Variants in APPL2 observed in about 807,000 individuals in gnomAD.
APPL2 encodes adaptor protein, phosphotyrosine interacting with PH domain and leucine zipper 2.
APPL2 carries 84 observed loss-of-function variants against 92.7 expected under a neutral mutation model. That is an observed-to-expected ratio of 0.91 (90% CI 0.76 to 1.09). APPL2 has a LOEUF of 1.09. Ranked by LOEUF, APPL2 falls within the 50% of genes least tolerant of loss-of-function variation. APPL2 has a pLI of 0.00. For missense variants in APPL2, 736 were observed against 824.5 expected (o/e 0.89, Z 1.31); for synonymous variants, 291 against 291.0 (o/e 1.00, Z 0.00).
At chr12:105,181,235 T>C (rs917795298) in intron 17 of APPL2, among the ~76,000 whole-genome samples, 2 of 152,252 alleles carry the variant, frequency 1.3e-5, no homozygotes, top group Admixed American at 6.5e-5. Context: ...TTTTTGTCAT[T>C]GGTTCTGTTT....
intron 2 of APPL2, among the ~76,000 whole-genome samples, chr12:105,220,350 A>G (rs1235459873): frequency 6.6e-6 from 1 of 152,228 alleles, no homozygotes; most frequent in African/African-American, 2.4e-5. Flanking sequence ...GAAGCCAGAA[A>G]TAACATATAA....
In APPL2 at chr12:105,233,356, G is replaced by A. The variant is rs150151502; in HGVS notation, c.54+2603C>T. ...CTAAAATGTTCAGCTTCCCACATATGAGAGGTAAGCAGAAATAACGCATGT... is the reference window on the plus strand; with the variant it reads ...CTAAAATGTTCAGCTTCCCACATATAAGAGGTAAGCAGAAATAACGCATGT... On this transcript the variant is annotated intron_variant, in intron 1 of 20. Coordinates refer to ENST00000258530, the MANE Select transcript of APPL2 (RefSeq NM_018171.5). 21 of 985,466 alleles carry A rather than the reference G, an allele frequency of 2.1e-5. No homozygotes were observed. In the African/African-American group the frequency reaches 3.7e-4, roughly 17 times the overall value. 61.0% of individuals were successfully genotyped at this position (985,466 alleles called of 1,614,324 possible). A position where few individuals can be genotyped will look rare whatever the true frequency, so the allele number is the denominator to read the frequency against.
chr12:105,230,381 GAT>G (rs1890835509), intron 1 of APPL2, among the ~76,000 whole-genome samples: 2 of 152,176 alleles, frequency 1.3e-5, no homozygotes, highest in African/African-American at 4.8e-5. Context: ...CACAGAGGCA[GAT>G]CTACTCAAGG....
chr12:105,177,310 A>T (rs375472756), intron 17 of APPL2, 48 bp from the exon 18 acceptor site: 2 of 1,563,128 alleles, frequency 1.3e-6, no homozygotes, highest in Non-Finnish European at 1.8e-6. Flanking sequence ...GATAAATTTA[A>T]TATTCCTAGA....
At chr12:105,209,264 T>C (rs1032680129) in intron 5 of APPL2, among the ~76,000 whole-genome samples, 3 of 152,314 alleles carry the variant, frequency 2.0e-5, no homozygotes, top group Admixed American at 1.3e-4. Context: ...GATTCTAATT[T>C]GGTCTGATGT....
chr12:105,189,763 G>T lies in APPL2; in HGVS notation c.1459+9C>A. 4 of 1,613,956 alleles carry T rather than the reference G, an allele frequency of 2.5e-6. No individual in the cohort carries two copies. The highest frequency in any genetic ancestry group is 3.4e-6 in the Non-Finnish European group (4 of 1,179,840). On this transcript the variant is annotated intron_variant, in intron 16 of 20. Transcript: ENST00000258530. ...AGGAAAGAATAAGGACACCAAACTA[G>T]TCACTTACCTTCTGCTTCTGGAAAT...
At chr12:105,218,201 T>C (rs1275801858) in intron 2 of APPL2, among the ~76,000 whole-genome samples, 2 of 152,184 alleles carry the variant, frequency 1.3e-5, no homozygotes, top group Non-Finnish European at 1.5e-5. Context: ...GCCTGTCAAA[T>C]AATAAAATGT....
chr12:105,235,910 C>T (rs1201681663), intron 1 of APPL2, 49 bp downstream of exon 1: 12 of 1,226,066 alleles, frequency 9.8e-6, no homozygotes, highest in Non-Finnish European at 1.1e-5. Flanking sequence ...GGAGGGGCCT[C>T]CTCGGCCTCA....
chr12:105,178,946 C>T (rs1440165971), intron 17 of APPL2, among the ~76,000 whole-genome samples: 1 of 152,152 alleles, frequency 6.6e-6, no homozygotes, highest in Non-Finnish European at 1.5e-5. Context: ...TTGTGGGTCA[C>T]TTTCAGAAGT....
At chr12:105,183,929 C>CAT (rs1886360276) in intron 17 of APPL2, among the ~76,000 whole-genome samples, 1 of 152,136 alleles carries the variant, frequency 6.6e-6, no homozygotes, top group Admixed American at 6.6e-5. Flanking sequence ...CACATAGTCC[C>CAT]ATATTTCTTA....
At chr12:105,215,493 C>T (rs1889606979) in intron 4 of APPL2, among the ~76,000 whole-genome samples, 1 of 152,262 alleles carries the variant, frequency 6.6e-6, no homozygotes. Context: ...TTACATCCCC[C>T]GTGCCTAGAA....
chr12:105,225,047 G>A (rs559855858), intron 2 of APPL2, among the ~76,000 whole-genome samples: 1 of 149,698 alleles, frequency 6.7e-6, no homozygotes, highest in Admixed American at 6.7e-5. Context: ...CTTTGGTTAA[G>A]AACGACTGCA....
At chr12:105,196,996 C>A (rs954357390) in intron 11 of APPL2, among the ~76,000 whole-genome samples, 5 of 152,126 alleles carry the variant, frequency 3.3e-5, no homozygotes, top group Admixed American at 1.3e-4. Context: ...CCAATGCCGT[C>A]CCCACCCCTA....
chr12:105,192,697 G>C (rs989788609), intron 14 of APPL2, among the ~76,000 whole-genome samples: 3 of 152,136 alleles, frequency 2.0e-5, no homozygotes, highest in Non-Finnish European at 2.9e-5. Flanking sequence ...CTCCATGACA[G>C]CACCTCATCT....
intron 9 of APPL2, among the ~76,000 whole-genome samples, chr12:105,200,860 GTATGTATCTATCTATC>G (rs1445909636): frequency 6.0e-4 from 67 of 112,554 alleles, no homozygotes; most frequent in African/African-American, 2.1e-3. Flanking sequence ...ATGTATGTAT[GTATGTATCTATCTATC>G]TATCTATCTA....
chr12:105,222,163 T>A (rs1890152996), intron 2 of APPL2, among the ~76,000 whole-genome samples: 1 of 152,118 alleles, frequency 6.6e-6, no homozygotes, highest in South Asian at 2.1e-4. Flanking sequence ...CTGGAGCGTC[T>A]CATGCGAGGC....
intron 9 of APPL2, among the ~76,000 whole-genome samples, chr12:105,200,184 C>T (rs565006296): frequency 5.9e-5 from 9 of 152,264 alleles, no homozygotes; most frequent in African/African-American, 9.6e-5. Flanking sequence ...TGCTCAGCAC[C>T]GTTGATGGAA....
rs1451220537 is a variant in APPL2, at chr12:105,203,759, C to T, written c.648G>A (p.Glu216=). Residue 216 remains glutamate, a synonymous_variant, in exon 9 of 21, where the codon GAG becomes GAA. Coordinates refer to ENST00000258530, the MANE Select transcript of APPL2 (RefSeq NM_018171.5). ...GQINFFKKGA[E]MFSKRMDSFL... ...AGCTGTCCATACGTTTGGAAAACAT[C>T]TCTGCTCCCTTCTTAAAAAAGTTAA... is the stretch of plus-strand genomic sequence containing the variant. 2.5e-6 allele frequency: 4 copies of T among 1,614,066 alleles called. No individual in the cohort carries two copies. Among genetic ancestry groups the T allele is most frequent in the Non-Finnish European group, 3.4e-6 (4 of 1,179,878 alleles).
At chr12:105,174,876 T>TGGGGGGGGGGGGGGGG (rs59473626) in intron 20 of APPL2, among the ~76,000 whole-genome samples, 7 of 89,016 alleles carry the variant, frequency 7.9e-5, no homozygotes, top group South Asian at 3.5e-4. Flanking sequence ...TTTTTTTTGG[T>TGGGGGGGGGGGGGGGG]GGGGGGGGGG....
Sources: allele counts gnomAD v4.1 joint callset (sites outside exome capture counted in the v4.1 genomes callset), GRCh38; gene constraint gnomAD v4.1.1; transcripts MANE v1.5; gene names NCBI Gene and HGNC (gene_info 2026-07-23, HGNC 2026-07-21).